The following NFKB1 variants were observed in gnomAD, a reference collection of about 807,000 sequenced individuals.
The protein encoded by NFKB1 is nuclear factor NF-kappa-B p105 subunit.
NFKB1 carries 9 observed loss-of-function variants against 105.1 expected under a neutral mutation model. That is an observed-to-expected ratio of 0.09 (90% CI 0.05 to 0.15). The LOEUF (loss-of-function observed/expected upper bound fraction) is 0.15, where lower values mean the gene tolerates loss of function less well. Ranked by LOEUF, NFKB1 falls within the 10% of genes least tolerant of loss-of-function variation. The pLI, the probability that NFKB1 is intolerant of heterozygous loss-of-function variation, is 1.00. For synonymous variants in NFKB1, 440 were observed against 442.2 expected, an observed-to-expected ratio of 1.00 and a Z score of 0.06; for missense variants, 830 against 1,203.7, an observed-to-expected ratio of 0.69 and a Z score of 4.59.
intron 5 of NFKB1, among the ~76,000 whole-genome samples, chr4:102,543,574 C>CT (rs1176510099): frequency 6.7e-6 from 1 of 149,636 alleles, no homozygotes; most frequent in Non-Finnish European, 1.5e-5. Context: ...TCAACAACAG[C>CT]TTTTTTGTTG....
intron 1 of NFKB1, among the ~76,000 whole-genome samples, chr4:102,523,373 T>C (rs1560639490): frequency 6.6e-6 from 1 of 152,192 alleles, no homozygotes; most frequent in Admixed American, 6.5e-5. Context: ...AGCTGCCCTT[T>C]CCTTTTTGTT....
intron 11 of NFKB1, 39 bp downstream of exon 11, chr4:102,584,859 TTTA>T: frequency 7.8e-6 from 12 of 1,542,042 alleles, no homozygotes; most frequent in Non-Finnish European, 8.8e-6. Context: ...CATATTTTAT[TTTA>T]TTTTATTTTT....
intron 1 of NFKB1, among the ~76,000 whole-genome samples, chr4:102,509,099 A>G (rs917097421): frequency 3.9e-5 from 6 of 152,198 alleles, no homozygotes; most frequent in Admixed American, 2.0e-4. Context: ...AGTTGCGATC[A>G]AGCAAATATA....
intron 6 of NFKB1, among the ~76,000 whole-genome samples, chr4:102,571,413 A>G (rs1298153477): frequency 3.9e-5 from 6 of 152,350 alleles, no homozygotes; most frequent in African/African-American, 7.2e-5. Flanking sequence ...CATTCAGCAC[A>G]TGGGCATGGG....
At chr4:102,597,461 C>G in intron 14 of NFKB1, 59 bp from the exon 15 acceptor site, 1 of 1,536,236 alleles carries the variant, frequency 6.5e-7, no homozygotes, top group Non-Finnish European at 8.8e-7. Flanking sequence ...CTTAAGCATG[C>G]CATACCCATA....
At chr4:102,564,182 C>T (rs1417357765) in intron 5 of NFKB1, among the ~76,000 whole-genome samples, 2 of 152,220 alleles carry the variant, frequency 1.3e-5, no homozygotes, top group Non-Finnish European at 1.5e-5. Context: ...ACCTAACAGA[C>T]ACAGTTGCTC....
At chr4:102,561,413 T>C (rs374276259) in intron 5 of NFKB1, among the ~76,000 whole-genome samples, 1 of 152,152 alleles carries the variant, frequency 6.6e-6, no homozygotes, top group Non-Finnish European at 1.5e-5. Context: ...CCACTTCTTA[T>C]AGCCATTCCT....
intron 5 of NFKB1, among the ~76,000 whole-genome samples, chr4:102,561,280 T>TG (rs1723418315): frequency 5.2e-4 from 25 of 47,732 alleles, no homozygotes; most frequent in African/African-American, 2.3e-3. Flanking sequence ...TTTTTTTTTT[T>TG]TTGTGTGTGT....
chr4:102,569,256 C>T (rs1417030266), intron 6 of NFKB1, among the ~76,000 whole-genome samples: 2 of 152,074 alleles, frequency 1.3e-5, no homozygotes, highest in Admixed American at 1.3e-4. Flanking sequence ...TACTGTTGCT[C>T]TCAACAGAGG....
chr4:102,531,359 C>T (rs893363810), intron 3 of NFKB1, among the ~76,000 whole-genome samples: 1 of 152,064 alleles, frequency 6.6e-6, no homozygotes, highest in Non-Finnish European at 1.5e-5. Flanking sequence ...TCATTTTTAC[C>T]TGTATGTTTT....
intron 3 of NFKB1, 30 bp from the exon 4 acceptor site, chr4:102,533,815 T>G: frequency 6.3e-7 from 1 of 1,599,884 alleles, no homozygotes; most frequent in Non-Finnish European, 8.5e-7. Context: ...ACAGTTTCTT[T>G]TGGTTTCTGT....
intron 18 of NFKB1, 144 bp from the exon 19 acceptor site, chr4:102,607,505 C>A: frequency 9.1e-7 from 1 of 1,104,452 alleles, no homozygotes. Context: ...GCATCTCTAA[C>A]TGGGGATTTC....
At chr4:102,595,174 A>G (rs1353216314) in intron 13 of NFKB1, among the ~76,000 whole-genome samples, 193 bp downstream of exon 13, 1 of 152,168 alleles carries the variant, frequency 6.6e-6, no homozygotes, top group Non-Finnish European at 1.5e-5. Context: ...TTACTTTTAT[A>G]TATTTTATAT....
At position 102,580,477 on chromosome 4, in the gene NFKB1, A is replaced by C. The variant is rs186807201; in HGVS notation, c.731-58A>C. 6.4e-5 allele frequency: 91 copies of C among 1,428,096 alleles called. No individual in the cohort carries two copies. In the Middle Eastern group the frequency reaches 1.4e-3, roughly 22 times the overall value. 88.5% of individuals were successfully genotyped at this position (1,428,096 alleles called of 1,614,324 possible). On this transcript the variant is annotated intron_variant, in intron 8 of 23. Transcript: ENST00000226574. Reference sequence around the variant, plus strand: ...CTAAGGGGAGGGTCCTACCTAAAGGACTGGCTTGTTGAGCTGAGGATTAAT... The same window carrying C: ...CTAAGGGGAGGGTCCTACCTAAAGGCCTGGCTTGTTGAGCTGAGGATTAAT...
chr4:102,505,160 A>C (rs538141152), intron 1 of NFKB1, among the ~76,000 whole-genome samples: 1 of 152,330 alleles, frequency 6.6e-6, no homozygotes, highest in East Asian at 1.9e-4. Flanking sequence ...CTTGAAGATC[A>C]GCCAACAGTT....
At chr4:102,539,879 C>T (rs987303774) in intron 5 of NFKB1, among the ~76,000 whole-genome samples, 1 of 152,034 alleles carries the variant, frequency 6.6e-6, no homozygotes, top group Non-Finnish European at 1.5e-5. Flanking sequence ...AAATTATGGG[C>T]AGACAATGGT....
chr4:102,561,864 G>A (rs924980881), intron 5 of NFKB1, among the ~76,000 whole-genome samples: 1 of 152,150 alleles, frequency 6.6e-6, no homozygotes, highest in African/African-American at 2.4e-5. Context: ...TTTAGTTACT[G>A]AACCCTGTCT....
chr4:102,592,993 T>C (rs185915601), intron 11 of NFKB1, among the ~76,000 whole-genome samples: 8 of 152,196 alleles, frequency 5.3e-5, no homozygotes, highest in African/African-American at 1.2e-4. Context: ...AGCAAAGACA[T>C]TATGTCATGC....
At chr4:102,563,158 G>T (rs1003450070) in intron 5 of NFKB1, among the ~76,000 whole-genome samples, 2 of 152,178 alleles carry the variant, frequency 1.3e-5, no homozygotes, top group Non-Finnish European at 2.9e-5. Flanking sequence ...AGATTGGTAT[G>T]ATCTGAGACC....
Sources: gnomAD v4.1 joint callset for allele counts (sites outside exome capture counted in the v4.1 genomes callset) on GRCh38, gnomAD v4.1.1 for gene constraint, MANE v1.5 for transcripts, NCBI Gene and HGNC (gene_info 2026-07-23, HGNC 2026-07-21) for gene names.